DOCK10: variants seen among roughly 807,000 people sequenced by gnomAD.
DOCK10 encodes the protein dedicator of cytokinesis protein 10.
A neutral mutation model predicts 280.1 loss-of-function variants in DOCK10; 145 were observed. The observed-to-expected ratio is 0.52, with a 90% CI of 0.45 to 0.59. DOCK10 has a LOEUF of 0.59. Among genes scored for constraint, DOCK10 ranks in the 20% least tolerant of loss-of-function variants. DOCK10 has a pLI of 0.00. For synonymous variants in DOCK10, 915 were observed against 942.2 expected (o/e 0.97, Z 0.53); for missense variants, 2,368 against 2,651.7 (o/e 0.89, Z 2.35).
chr2:224,943,619 A>G (rs1703216427), intron 1 of DOCK10, among the ~76,000 whole-genome samples: 1 of 152,064 alleles, frequency 6.6e-6, no homozygotes, highest in Non-Finnish European at 1.5e-5. Flanking sequence ...AAAAGAAGTT[A>G]TTGCTTTCTT....
chr2:225,027,994 C>T (rs1054072578), intron 1 of DOCK10, among the ~76,000 whole-genome samples: 7 of 152,186 alleles, frequency 4.6e-5, no homozygotes, highest in Admixed American at 2.0e-4. Flanking sequence ...AGCAGTGCCT[C>T]GGGAAGAGTT....
In DOCK10 at chr2:224,896,279, C is replaced by A; in HGVS notation, c.416+16G>T. 6.7e-7 allele frequency: 1 copy of A among 1,501,396 alleles called. No homozygotes were observed. Among genetic ancestry groups the A allele is most frequent in the Admixed American group, 1.7e-5 (1 of 57,292 alleles). The allele number at this position is 1,501,396 out of a possible 1,614,324, so 93.0% of individuals were successfully genotyped here. A position where few individuals can be genotyped will look rare whatever the true frequency, so the allele number is the denominator to read the frequency against. The stretch of plus-strand genomic sequence containing the variant: ...TATTTGGAAAAGACCAATAAGTGCT[C>A]ATAACAGGTTCTTACCGGGGTAGCT... On this transcript the variant is annotated intron_variant, in intron 4 of 55. Coordinates refer to ENST00000258390, the MANE Select transcript of DOCK10 (RefSeq NM_014689.3).
chr2:224,800,399 G>T, intron 40 of DOCK10, 136 bp from the exon 41 acceptor site: 2 of 519,592 alleles, frequency 3.8e-6, no homozygotes, highest in Non-Finnish European at 6.8e-6. Context: ...AAGTGTTTTT[G>T]TTTGTTCAGT....
chr2:224,964,102 G>A (rs980863661), intron 1 of DOCK10, among the ~76,000 whole-genome samples: 9 of 151,748 alleles, frequency 5.9e-5, no homozygotes, highest in African/African-American at 2.2e-4. Flanking sequence ...TACAGGATGC[G>A]GAGGGTGTTA....
intron 1 of DOCK10, among the ~76,000 whole-genome samples, chr2:224,963,973 T>C (rs1056633056): frequency 6.6e-6 from 1 of 151,436 alleles, no homozygotes; most frequent in African/African-American, 2.4e-5. Context: ...CAATCACATG[T>C]TTTCACAATT....
chr2:224,921,550 G>A (rs541396531), intron 2 of DOCK10, among the ~76,000 whole-genome samples: 51 of 152,076 alleles, frequency 3.4e-4, no homozygotes, highest in African/African-American at 1.1e-3. Context: ...GCTTAATCAC[G>A]TGTACAATGC....
chr2:224,781,229 CTTA>C (rs953281626), intron 50 of DOCK10, among the ~76,000 whole-genome samples: 4 of 152,178 alleles, frequency 2.6e-5, no homozygotes, highest in South Asian at 4.1e-4. Flanking sequence ...CTGAGTTTTT[CTTA>C]TTATAAAAGG....
chr2:224,808,845 G>C (rs1693579907), intron 31 of DOCK10, among the ~76,000 whole-genome samples: 1 of 152,060 alleles, frequency 6.6e-6, no homozygotes, highest in Non-Finnish European at 1.5e-5. Flanking sequence ...ACTGTGGGGA[G>C]ATGTGGGGTG....
At chr2:225,033,661 A>G (rs1370805772) in intron 1 of DOCK10, among the ~76,000 whole-genome samples, 1 of 152,198 alleles carries the variant, frequency 6.6e-6, no homozygotes, top group African/African-American at 2.4e-5. Flanking sequence ...CAGCAAACAC[A>G]AGCATTTATT....
rs573663656 is a variant in DOCK10, at chr2:225,042,306, C to T, written c.69G>A (p.Arg23=). 5.1e-4 allele frequency: 692 copies of T among 1,356,166 alleles called. 4 individuals are homozygous for T. In the African/African-American group the frequency reaches 9.3e-3, roughly 18 times the overall value. The allele number at this position is 1,356,166 out of a possible 1,614,324, so 84.0% of individuals were successfully genotyped here. ...CCGCGGCGGCGGACGCGGCGCTGTG[C>T]CGGAGCTCGGCCGCCTGCCCAGGTC... ...LLRPGQAAEL[R]HSAASAAAVA... Residue 23 remains arginine, a synonymous_variant, in exon 1 of 56, where the codon CGG becomes CGA. Coordinates refer to ENST00000258390, the MANE Select transcript of DOCK10 (RefSeq NM_014689.3). The surrounding 1 kb of genome is among the most constrained non-coding windows in gnomAD (Gnocchi z 5.1).
chr2:224,826,386 C>T (rs1448976237), intron 27 of DOCK10, among the ~76,000 whole-genome samples: 1 of 152,116 alleles, frequency 6.6e-6, no homozygotes, highest in South Asian at 2.1e-4. Flanking sequence ...CTGGAACTCA[C>T]GCTGGCCAAG....
In DOCK10 at chr2:224,770,716, G is replaced by A; in HGVS notation, c.6205-71C>T. On this transcript the variant is annotated intron_variant, in intron 53 of 55. Transcript: ENST00000258390. The surrounding 1 kb of genome is among the most constrained non-coding windows in gnomAD (Gnocchi z 4.5). ...AGTCTTTTCCACCGCTGGAAGAGGA[G>A]CAACTGTGCACCAATGGTGTGGTAC... The A allele has an allele frequency of 9.0e-7, 1 of 1,106,098 alleles. No individual in the cohort carries two copies. Among genetic ancestry groups the A allele is most frequent in the Non-Finnish European group, 1.4e-6 (1 of 724,214 alleles). 68.5% of individuals were successfully genotyped at this position (1,106,098 alleles called of 1,614,324 possible).
intron 1 of DOCK10, among the ~76,000 whole-genome samples, chr2:225,038,208 T>C (rs1189045287): frequency 6.6e-6 from 1 of 152,120 alleles, no homozygotes; most frequent in Non-Finnish European, 1.5e-5. Context: ...AGTGCTTCAC[T>C]TTCATTTGCT....
At chr2:224,894,409 G>C (rs931156097) in intron 4 of DOCK10, among the ~76,000 whole-genome samples, 4 of 152,230 alleles carry the variant, frequency 2.6e-5, no homozygotes, top group South Asian at 2.1e-4. Flanking sequence ...AACACATTTA[G>C]TTAAAAGGAT....
chr2:224,873,847 TA>T, intron 11 of DOCK10, 148 bp downstream of exon 11: 3 of 750,612 alleles, frequency 4.0e-6, no homozygotes, highest in Non-Finnish European at 4.2e-6. Context: ...TACACTTGTG[TA>T]ATGTGGGAAA....
chr2:224,830,468 C>G, intron 27 of DOCK10, 73 bp downstream of exon 27: 1 of 794,632 alleles, frequency 1.3e-6, no homozygotes, highest in East Asian at 3.1e-5. Flanking sequence ...GAACTCATGA[C>G]AGCATAATCA....
chr2:224,966,844 G>C (rs1393294546), intron 1 of DOCK10, among the ~76,000 whole-genome samples: 1 of 151,516 alleles, frequency 6.6e-6, no homozygotes, highest in Non-Finnish European at 1.5e-5. Context: ...TCATACCAGC[G>C]AGCTCATGGT....
chr2:224,847,088 A>G (rs998724778), intron 19 of DOCK10, among the ~76,000 whole-genome samples: 1 of 152,254 alleles, frequency 6.6e-6, no homozygotes, highest in Non-Finnish European at 1.5e-5. Flanking sequence ...AGCTATACAA[A>G]TAATGCTTCT....
chr2:224,874,616 C>T, intron 9 of DOCK10, 50 bp downstream of exon 9: 1 of 1,527,908 alleles, frequency 6.5e-7, no homozygotes, highest in Non-Finnish European at 9.1e-7. Context: ...AAAGCAATAA[C>T]TAACAAATAA....
Sources: allele counts gnomAD v4.1 joint callset (sites outside exome capture counted in the v4.1 genomes callset), GRCh38; gene constraint gnomAD v4.1.1; non-coding constraint Gnocchi (gnomAD v3.1); transcripts MANE v1.5; gene names NCBI Gene and HGNC (gene_info 2026-07-23, HGNC 2026-07-21).